ITM2B: variants seen among roughly 807,000 people sequenced by gnomAD.
ITM2B encodes the protein ABri/ADan amyloid peptide.
ITM2B carries 11 observed loss-of-function variants against 27.8 expected under a neutral mutation model. The ratio of observed to expected loss-of-function variants is 0.40; its 90% CI spans 0.25 to 0.66. The LOEUF (loss-of-function observed/expected upper bound fraction) is 0.66, where lower values mean the gene tolerates loss of function less well. Ranked by LOEUF, ITM2B falls within the 30% of genes least tolerant of loss-of-function variation. The probability of loss-of-function intolerance (pLI) is 0.43; values close to 1 mark genes in which losing one functional copy is unlikely to be tolerated. For synonymous variants in ITM2B, 114 were observed against 114.3 expected (o/e 1.00, Z 0.02); for missense variants, 296 against 328.9 (o/e 0.90, Z 0.77).
At chr13:48,241,261 G>A (rs752943905) in intron 1 of ITM2B, among the ~76,000 whole-genome samples, 3 of 152,190 alleles carry the variant, frequency 2.0e-5, no homozygotes, top group African/African-American at 4.8e-5. Context: ...ACCCAGGCTC[G>A]AGTGCAGTGG....
In ITM2B at chr13:48,265,217, ATCC is replaced by A. The variant is rs1156811989; in HGVS notation, c.*3998_*4000del. Reference sequence around the variant, plus strand: ...AAGTAAATGTTCCCGCCCTTCTACCATCCTCCTTCCTCAGTCCCATTCCCCAAC... The same window carrying A: ...AAGTAAATGTTCCCGCCCTTCTACCATCCTTCCTCAGTCCCATTCCCCAAC... On this transcript the variant is annotated 3_prime_UTR_variant, in exon 6 of 6. Coordinates refer to ENST00000647800, the MANE Select transcript of ITM2B (RefSeq NM_021999.5). 6.6e-6 allele frequency: 1 copy of A among 152,184 alleles called. No homozygotes were observed. Among genetic ancestry groups the A allele is most frequent in the Non-Finnish European group, 1.5e-5 (1 of 68,024 alleles). The allele number at this position is 152,184 out of a possible 1,614,324, so 9.4% of individuals were successfully genotyped here.
At chr13:48,252,927 CAGATT>C (rs1257282588) in intron 1 of ITM2B, among the ~76,000 whole-genome samples, 3 of 152,138 alleles carry the variant, frequency 2.0e-5, no homozygotes, top group African/African-American at 4.8e-5. Context: ...TCTAAAGTGA[CAGATT>C]AGAGGGATCA....
At chr13:48,238,286 A>G (rs999820114) in intron 1 of ITM2B, among the ~76,000 whole-genome samples, 3 of 152,220 alleles carry the variant, frequency 2.0e-5, no homozygotes, top group Non-Finnish European at 2.9e-5. Context: ...ACCTCATTTT[A>G]TAAGTGTTAT....
rs1951834522 is a variant in ITM2B, at chr13:48,263,650, C to T, written c.*2426C>T. The T allele has an allele frequency of 6.6e-6, 1 of 152,200 alleles. No individual in the cohort carries two copies. Among genetic ancestry groups the T allele is most frequent in the African/African-American group, 2.4e-5 (1 of 41,436 alleles). The allele number at this position is 152,200 out of a possible 1,614,324, so 9.4% of individuals were successfully genotyped here. A position where few individuals can be genotyped will look rare whatever the true frequency, so the allele number is the denominator to read the frequency against. On this transcript the variant is annotated 3_prime_UTR_variant, in exon 6 of 6. Coordinates refer to ENST00000647800, the MANE Select transcript of ITM2B (RefSeq NM_021999.5). ...GGCTTTAAACAACAGAAGCTTGTTT[C>T]TCACAGTTCCAGAAGCTGGAAAGTT...
In ITM2B at chr13:48,233,279, T is replaced by C. The variant is rs1421247338; in HGVS notation, c.-82T>C. The C allele has an allele frequency of 3.5e-6, 3 of 864,144 alleles. No homozygotes were observed. The highest frequency in any genetic ancestry group is 5.4e-6 in the Non-Finnish European group (3 of 560,008). The allele number at this position is 864,144 out of a possible 1,614,324, so 53.5% of individuals were successfully genotyped here. On this transcript the variant is annotated 5_prime_UTR_variant, in exon 1 of 6. Transcript: ENST00000647800. ...CGGAGCCGCTCCCGGAGCCCGGCCG[T>C]AGAGGCTGCAATCGCAGCCGGGAGC...
chr13:48,261,171 G>T lies in ITM2B; in HGVS notation c.748G>T (p.Ala250Ser), dbSNP rs578006622. ...GAAACGTGAAGCCAGCAATTGTTTC[G>T]CAATTCGGCATTTTGAAAACAAATT... is the stretch of plus-strand genomic sequence containing the variant. ...IQKREASNCF[A>S]IRHFENKFAV... The change falls in exon 6 of 6, where the codon GCA (alanine) becomes TCA (serine). Residue 250 changes from alanine (A) to serine (S), a missense_variant. Physicochemically the swap from Ala to Ser is moderately conservative, Grantham distance 99 (BLOSUM62 1). Transcript: ENST00000647800. The T allele has an allele frequency of 3.6e-5, 58 of 1,612,024 alleles. No individual in the cohort carries two copies. In the East Asian group the frequency reaches 1.1e-3, roughly 30 times the overall value.
chr13:48,239,300 T>TC (rs1485108202), intron 1 of ITM2B, among the ~76,000 whole-genome samples: 7 of 152,308 alleles, frequency 4.6e-5, no homozygotes, highest in Non-Finnish European at 8.8e-5. Context: ...AGCAGATGAA[T>TC]TGTTGAAGCT....
At position 48,267,382 on chromosome 13, in the gene ITM2B, C is replaced by T. The variant is rs2243461; in HGVS notation, c.*6158C>T. 0.28 allele frequency: 42,661 copies of T among 151,958 alleles called. 6,071 individuals carry two copies. Among genetic ancestry groups the T allele is most frequent in the South Asian group, 0.39 (1,902 of 4,820 alleles). 9.4% of individuals were successfully genotyped at this position (151,958 alleles called of 1,614,324 possible). ...TATTTAACCCCTAATTATCTGATAACCCAAGTTCTGTCAGAAACACTGCTG... is the reference window on the plus strand; with the variant it reads ...TATTTAACCCCTAATTATCTGATAATCCAAGTTCTGTCAGAAACACTGCTG... On this transcript the variant is annotated 3_prime_UTR_variant, in exon 6 of 6. Transcript: ENST00000647800.
chr13:48,256,914 G>A (rs980930987), intron 3 of ITM2B, among the ~76,000 whole-genome samples: 2 of 151,912 alleles, frequency 1.3e-5, no homozygotes, highest in African/African-American at 2.4e-5. Flanking sequence ...GTCCTCCTAC[G>A]TAACCACATA....
At chr13:48,237,152 C>T (rs1471212599) in intron 1 of ITM2B, among the ~76,000 whole-genome samples, 1 of 152,132 alleles carries the variant, frequency 6.6e-6, no homozygotes, top group African/African-American at 2.4e-5. Context: ...GGAGAAGGGA[C>T]ATAAAATGCA....
chr13:48,255,248 TGTGTGTGCGCGCGCGTGTGC>T (rs924527280), intron 2 of ITM2B, among the ~76,000 whole-genome samples: 13 of 123,100 alleles, frequency 1.1e-4, no homozygotes, highest in African/African-American at 4.5e-4. Context: ...TGTGTGTGTG[TGTGTGTGCGCGCGCGTGTGC>T]GTGCGCGCAC....
chr13:48,255,266 T>C (rs909641651), intron 2 of ITM2B, among the ~76,000 whole-genome samples: 3 of 151,388 alleles, frequency 2.0e-5, no homozygotes, highest in Non-Finnish European at 4.4e-5. Flanking sequence ...CGCGCGCGTG[T>C]GCGTGCGCGC....
rs530564194 is a variant in ITM2B, at chr13:48,255,640, A to G, written c.247-537A>G. Among the ~76,000 whole-genome samples, 6 of 152,324 alleles carry G rather than the reference A, an allele frequency of 3.9e-5. No homozygotes were observed. The East Asian group carries it at 1.2e-3, about 29-fold the overall frequency. ...TTTCTTTTTGTAAAAGTGAGACAGT[A>G]GCATAAAGATTTGCTGTAATCTAAT... On this transcript the variant is annotated intron_variant, in intron 2 of 5. Transcript: ENST00000647800.
Position 48,256,393 on chromosome 13 carries a change from G to C in ITM2B, c.453+10G>C. The C allele has an allele frequency of 6.2e-7, 1 of 1,600,936 alleles. No homozygotes were observed. Among genetic ancestry groups the C allele is most frequent in the Non-Finnish European group, 8.6e-7 (1 of 1,168,454 alleles). Reference sequence around the variant, plus strand: ...TCATGACTTTAACAAGGTGAGCCAAGTGTCCAGAATTGTAGAAAGAATGCA... The same window carrying C: ...TCATGACTTTAACAAGGTGAGCCAACTGTCCAGAATTGTAGAAAGAATGCA... On this transcript the variant is annotated intron_variant, in intron 3 of 5. Coordinates refer to ENST00000647800, the MANE Select transcript of ITM2B (RefSeq NM_021999.5).
chr13:48,251,170 A>G (rs1290178951), intron 1 of ITM2B, among the ~76,000 whole-genome samples: 1 of 152,290 alleles, frequency 6.6e-6, no homozygotes, highest in East Asian at 1.9e-4. Flanking sequence ...TCTCCACCAT[A>G]TTGGGCACTC....
At chr13:48,248,235 G>A (rs991109070) in intron 1 of ITM2B, among the ~76,000 whole-genome samples, 1 of 151,664 alleles carries the variant, frequency 6.6e-6, no homozygotes, top group Non-Finnish European at 1.5e-5. Context: ...TGCCTTTTTT[G>A]GGGGGGTCAG....
chr13:48,254,299 G>A (rs929703782), intron 2 of ITM2B, among the ~76,000 whole-genome samples: 3 of 152,148 alleles, frequency 2.0e-5, no homozygotes, highest in Non-Finnish European at 4.4e-5. Flanking sequence ...CATGTTGATA[G>A]GCCATAACTT....
intron 1 of ITM2B, among the ~76,000 whole-genome samples, chr13:48,251,924 T>C (rs961971722): frequency 1.3e-5 from 2 of 152,254 alleles, no homozygotes; most frequent in African/African-American, 4.8e-5. Flanking sequence ...TCTTGTAGCT[T>C]TCTTTTCACA....
chr13:48,238,170 C>T (rs73485061), intron 1 of ITM2B, among the ~76,000 whole-genome samples: 1 of 152,144 alleles, frequency 6.6e-6, no homozygotes, highest in African/African-American at 2.4e-5. Context: ...GAAATTATAA[C>T]ACTAAGGACA....
Sources: gnomAD v4.1 joint callset for allele counts (sites outside exome capture counted in the v4.1 genomes callset) on GRCh38, gnomAD v4.1.1 for gene constraint, MANE v1.5 for transcripts, NCBI Gene and HGNC (gene_info 2026-07-23, HGNC 2026-07-21) for gene names.